CAMTA1: variants seen among roughly 807,000 people sequenced by gnomAD.
CAMTA1 encodes the protein calmodulin-binding transcription activator 1.
CAMTA1 carries 27 observed loss-of-function variants against 170.9 expected under a neutral mutation model. The observed-to-expected ratio is 0.16, with a 90% confidence interval of 0.12 to 0.22. CAMTA1 has a LOEUF of 0.22. CAMTA1 is among the 10% of genes least tolerant of loss of function. The probability of loss-of-function intolerance (pLI) is 1.00; values close to 1 mark genes in which losing one functional copy is unlikely to be tolerated. For synonymous variants in CAMTA1, 833 were observed against 891.5 expected, an observed-to-expected ratio of 0.93 and a Z score of 1.17; for missense variants, 1,619 against 2,217.2, an observed-to-expected ratio of 0.73 and a Z score of 5.42.
At chr1:7,294,764 G>T (rs936094363) in intron 5 of CAMTA1, among the ~76,000 whole-genome samples, 13 of 152,246 alleles carry the variant, frequency 8.5e-5, no homozygotes, top group African/African-American at 3.1e-4. Flanking sequence ...TCATGCAGGG[G>T]CTTCTGAGCC....
intron 4 of CAMTA1, among the ~76,000 whole-genome samples, chr1:7,091,845 A>G (rs1641508375): frequency 6.6e-6 from 1 of 152,240 alleles, no homozygotes; most frequent in Non-Finnish European, 1.5e-5. Context: ...GCAGTTTATT[A>G]TGCAGTAAAT....
rs989263622 is a variant in CAMTA1 at position 6,918,054 on chromosome 1, C to T, written c.234+92844C>T. Among the ~76,000 whole-genome samples the T allele has an allele frequency of 2.6e-5, 4 of 152,218 alleles. No homozygotes were observed. Among genetic ancestry groups the T allele is most frequent in the Middle Eastern group, 3.4e-3 (1 of 294 alleles). On this transcript the variant is annotated intron_variant, in intron 3 of 22. Transcript: ENST00000303635. This position sits in a 1 kb window ranked among gnomAD's most constrained non-coding sequence, Gnocchi z 4.0. ...CTCACATCTAGAAGGCCCCAAATGC[C>T]CAAGTTCTTGGGCCTTGCTTGCTTG...
intron 6 of CAMTA1, among the ~76,000 whole-genome samples, chr1:7,493,068 C>CACACAA (rs547160282): frequency 0.12 from 14,308 of 119,514 alleles, 1,802 homozygotes; most frequent in African/African-American, 0.29. Flanking sequence ...CGCGCGCACA[C>CACACAA]ACACAGACAT....
At chr1:7,061,290 G>T (rs542583818) in intron 3 of CAMTA1, among the ~76,000 whole-genome samples, 4 of 152,182 alleles carry the variant, frequency 2.6e-5, no homozygotes, top group Non-Finnish European at 5.9e-5. Context: ...ACCCTTGAGG[G>T]GTGCCCTGTA....
intron 5 of CAMTA1, among the ~76,000 whole-genome samples, chr1:7,414,574 AT>A (rs2091024024): frequency 1.3e-5 from 2 of 151,852 alleles, no homozygotes; most frequent in African/African-American, 4.8e-5. Flanking sequence ...CTCTGATGGT[AT>A]TTTGTATTTC....
intron 3 of CAMTA1, among the ~76,000 whole-genome samples, chr1:6,998,330 G>A (rs1247722241): frequency 2.0e-5 from 3 of 152,082 alleles, no homozygotes; most frequent in East Asian, 3.9e-4. Context: ...ATCTCTGAGC[G>A]CTTTCTTCTA....
intron 11 of CAMTA1, among the ~76,000 whole-genome samples, chr1:7,690,150 C>T (rs1253866289): frequency 6.6e-6 from 1 of 151,948 alleles, no homozygotes; most frequent in African/African-American, 2.4e-5. Context: ...GCAACAAGAG[C>T]GAAACTCCAT....
rs527292476 is a variant in CAMTA1 at position 7,592,922 on chromosome 1, G to A, written c.511-47478G>A. ...TTGCATTAAACCTCAGCAGGGCCGA[G>A]AGGCAGAACTGCTGTTCCAAGGAGG... On this transcript the variant is annotated intron_variant, in intron 6 of 22. Transcript: ENST00000303635. The surrounding 1 kb of genome is among the most constrained non-coding windows in gnomAD (Gnocchi z 4.6). Among the ~76,000 whole-genome samples, 34 of 152,312 alleles carry A rather than the reference G, an allele frequency of 2.2e-4. No homozygotes were observed. The highest frequency in any genetic ancestry group is 3.8e-4 in the Non-Finnish European group (26 of 68,032).
rs1438611747 is a variant in CAMTA1, at chr1:7,752,526, C to T, written c.4951C>T (p.Arg1651Cys). 2.5e-6 allele frequency: 4 copies of T among 1,605,294 alleles called. No individual in the cohort carries two copies. The highest frequency in any genetic ancestry group is 3.4e-6 in the Non-Finnish European group (4 of 1,175,524). The stretch of plus-strand genomic sequence containing the variant: ...AATAATGAGGTTTCTTCGCCGCTGT[C>T]GCCACAGGTACACTAGTCCTTGTTT... ...RKIMRFLRRC[R>C]HSPLVDHRLY... Residue 1651 changes from arginine to cysteine, a missense_variant, in exon 21 of 23, where the codon CGC becomes TGC. Around this residue, in one of 8 missense-constraint regions of CAMTA1, gnomAD observed 128 missense variants for 213.5 expected, o/e 0.60. Transcript: ENST00000303635.
intron 6 of CAMTA1, among the ~76,000 whole-genome samples, chr1:7,613,918 G>A (rs1291496659): frequency 1.4e-5 from 2 of 146,444 alleles, no homozygotes; most frequent in Non-Finnish European, 3.0e-5. Flanking sequence ...CAGGTGGGAG[G>A]AGAGAGATGG....
chr1:7,230,208 G>A (rs571801344), intron 4 of CAMTA1, among the ~76,000 whole-genome samples: 6 of 152,274 alleles, frequency 3.9e-5, no homozygotes, highest in African/African-American at 1.4e-4. Context: ...ATCCACAGCT[G>A]CGCTTTTGGT....
intron 6 of CAMTA1, among the ~76,000 whole-genome samples, chr1:7,575,922 A>G (rs1413245733): frequency 6.6e-6 from 1 of 152,048 alleles, no homozygotes; most frequent in Non-Finnish European, 1.5e-5. Flanking sequence ...GACGTCAGGG[A>G]GGGAGGTGGC....
intron 1 of CAMTA1, among the ~76,000 whole-genome samples, chr1:6,818,677 CAT>C (rs1557620793): frequency 6.6e-6 from 1 of 152,134 alleles, no homozygotes; most frequent in Non-Finnish European, 1.5e-5. Context: ...TTCACTCTGT[CAT>C]CCAGGCGGGA....
rs1359561633 is a variant in CAMTA1, at chr1:6,956,941, G to T, written c.234+131731G>T. ...GGATTAGTTAGTTAGTAGCGGTCGG[G>T]CCAGCATGGCCTTGGTGGGGGCCCA... On this transcript the variant is annotated intron_variant, in intron 3 of 22. Coordinates refer to ENST00000303635, the MANE Select transcript of CAMTA1 (RefSeq NM_015215.4). Among the ~76,000 whole-genome samples the T allele has an allele frequency of 3.9e-5, 6 of 152,338 alleles. No individual in the cohort carries two copies. The East Asian group carries it at 1.2e-3, about 29-fold the overall frequency.
intron 4 of CAMTA1, among the ~76,000 whole-genome samples, chr1:7,136,702 C>T (rs1441381679): frequency 1.3e-5 from 2 of 152,150 alleles, no homozygotes; most frequent in Non-Finnish European, 2.9e-5. Flanking sequence ...TTAAGGCTGC[C>T]AAGTGCAATA....
At chr1:7,296,613 A>G (rs6662782) in intron 5 of CAMTA1, among the ~76,000 whole-genome samples, 47,301 of 152,060 alleles carry the variant, frequency 0.31, 8,480 homozygotes, top group Admixed American at 0.42. Flanking sequence ...AACTGAGTGA[A>G]TGACGGTGCT....
chr1:7,015,663 C>T (rs1482429388), intron 3 of CAMTA1, among the ~76,000 whole-genome samples: 3 of 152,164 alleles, frequency 2.0e-5, no homozygotes, highest in Admixed American at 6.5e-5. Flanking sequence ...CGTCTGTTTT[C>T]GCATTGCTAT....
Position 7,085,438 on chromosome 1 carries a change from A to G in CAMTA1, c.235-5866A>G, listed in dbSNP as rs560823105. ...ACACAGGAACTGTACGGGGCTCTACAGTGACAGACGGACTGAGACACACAC... is the reference window on the plus strand; with the variant it reads ...ACACAGGAACTGTACGGGGCTCTACGGTGACAGACGGACTGAGACACACAC... On this transcript the variant is annotated intron_variant, in intron 3 of 22. Transcript: ENST00000303635. 2.6e-5 allele frequency among the ~76,000 whole-genome samples: 4 copies of G among 152,356 alleles called. No individual in the cohort carries two copies. The East Asian group carries it at 5.8e-4, about 22-fold the overall frequency.
At chr1:6,937,795 C>CATCACCAT (rs1685707719) in intron 3 of CAMTA1, among the ~76,000 whole-genome samples, 2 of 144,730 alleles carry the variant, frequency 1.4e-5, no homozygotes, top group Non-Finnish European at 3.0e-5. Flanking sequence ...ACCACCATCA[C>CATCACCAT]CATCACCATC....
Sources: gnomAD v4.1 joint callset for allele counts (sites outside exome capture counted in the v4.1 genomes callset) on GRCh38, gnomAD v4.1.1 for gene constraint, gnomAD v4.1.1 regional missense constraint, Gnocchi (gnomAD v3.1) non-coding constraint, MANE v1.5 for transcripts, NCBI Gene and HGNC (gene_info 2026-07-23, HGNC 2026-07-21) for gene names.